Variants in BCAP31 observed in about 807,000 individuals in gnomAD.
BCAP31 encodes the protein B cell receptor associated protein 31.
For synonymous variants in BCAP31, 75 were observed against 80.9 expected (o/e 0.93, Z 0.39); for missense variants, 124 against 193.0 (o/e 0.64, Z 2.12).
chrX:153,704,457 G>A (rs1432582429), intron 4 of BCAP31, among the ~76,000 whole-genome samples: 3 of 112,338 alleles, frequency 2.7e-5, no homozygotes, highest in African/African-American at 9.7e-5. Flanking sequence ...CTGCGAGGCT[G>A]GGCTTGCCTT....
chrX:153,715,832 A>G lies in BCAP31; in HGVS notation c.194-143T>C. ...CCCAGTTCTTCCCACTTCTATGCAC[A>G]TACACCCCTCATGGGATGCTGTTAT... is the stretch of plus-strand genomic sequence containing the variant. On this transcript the variant is annotated intron_variant, in intron 3 of 7. Coordinates refer to ENST00000345046, the MANE Select transcript of BCAP31 (RefSeq NM_001256447.2). The G allele has an allele frequency of 4.2e-6, 3 of 716,263 alleles. No homozygotes were observed. The South Asian group carries it at 7.7e-5, about 18-fold the overall frequency. The allele number at this position is 716,263 out of a possible 1,213,427, so 59.0% of individuals were successfully genotyped here.
At chrX:153,703,273 C>T (rs1255521994) in intron 5 of BCAP31, among the ~76,000 whole-genome samples, 2 of 113,551 alleles carry the variant, frequency 1.8e-5, no homozygotes, top group African/African-American at 3.2e-5. Flanking sequence ...CCAGCGGGGC[C>T]ACCTGCTGCA....
Position 153,703,994 on chromosome X carries a change from T to C in BCAP31, c.442A>G (p.Lys148Glu). Residue 148 changes from lysine to glutamate, a missense_variant, in exon 5 of 8, where the codon AAG becomes GAG. Transcript: ENST00000345046. ...KQAESASEAA[K>E]KYMEENDQLK... ...TGGTCATTCTCCTCCATGTACTTCTTGGCCGCCTCACTAGCACTCTCCGCC... is the reference window on the plus strand; with the variant it reads ...TGGTCATTCTCCTCCATGTACTTCTCGGCCGCCTCACTAGCACTCTCCGCC... 2.5e-6 allele frequency: 3 copies of C among 1,211,743 alleles called. No individual in the cohort carries two copies. The highest frequency in any genetic ancestry group is 3.4e-6 in the Non-Finnish European group (3 of 895,324).
intron 7 of BCAP31, among the ~76,000 whole-genome samples, chrX:153,701,319 G>A (rs1557047301): frequency 8.9e-6 from 1 of 112,459 alleles, no homozygotes; most frequent in Admixed American, 9.3e-5. Flanking sequence ...TTTGACAGGT[G>A]CCCTCGAAGC....
chrX:153,706,094 G>A (rs1323027082), intron 4 of BCAP31, among the ~76,000 whole-genome samples: 20 of 111,457 alleles, frequency 1.8e-4, no homozygotes, highest in African/African-American at 6.5e-4. Flanking sequence ...CTCAGCCCCA[G>A]CCCAGGCCTT....
At chrX:153,702,161 G>A (rs2091522719) in intron 6 of BCAP31, 54 bp from the exon 7 acceptor site, 1 of 1,068,936 alleles carries the variant, frequency 9.4e-7, no homozygotes, top group Non-Finnish European at 1.3e-6. Context: ...AGGAATTAGG[G>A]GGAAAAAACC....
intron 4 of BCAP31, among the ~76,000 whole-genome samples, chrX:153,704,535 A>G: frequency 8.9e-6 from 1 of 112,193 alleles, no homozygotes; most frequent in Non-Finnish European, 1.9e-5. Context: ...CCTCACATCT[A>G]CCTGATGAGG....
chrX:153,711,555 A>C (rs1278258582), intron 4 of BCAP31, among the ~76,000 whole-genome samples: 3 of 112,324 alleles, frequency 2.7e-5, no homozygotes, highest in African/African-American at 6.5e-5. Context: ...TGCTCGCGCC[A>C]TGAGTACCTG....
intron 4 of BCAP31, among the ~76,000 whole-genome samples, chrX:153,713,845 G>A (rs918653257): frequency 9.5e-6 from 1 of 105,710 alleles, no homozygotes; most frequent in Non-Finnish European, 1.9e-5. Flanking sequence ...TCATGATTCA[G>A]AGCTCCCGGC....
At chrX:153,702,490 T>G in intron 6 of BCAP31, 1 of 182,220 alleles carries the variant, frequency 5.5e-6, no homozygotes. Context: ...GCGAGGCCTG[T>G]GGTATTGGGG....
At chrX:153,715,911 A>C (rs1313476047) in intron 3 of BCAP31, among the ~76,000 whole-genome samples, 1 of 106,525 alleles carries the variant, frequency 9.4e-6, no homozygotes, top group Non-Finnish European at 1.9e-5. Context: ...TAATCTCAGC[A>C]CTTTGGGAGG....
At chrX:153,703,827 C>G in intron 5 of BCAP31, 132 bp downstream of exon 5, 2 of 980,157 alleles carry the variant, frequency 2.0e-6, no homozygotes, top group Non-Finnish European at 2.8e-6. Context: ...CTCTGCGCCT[C>G]CACCCAACTC....
In BCAP31 at chrX:153,715,625, G is replaced by C; in HGVS notation, c.258C>G (p.Pro86=). ...VTEKVNLQNN[P]GAMEHFHMKL... ...TCATGTGGAAGTGCTCCATGGCCCCGGGATTGTTCTGGAGGTTCACCTTTT... is the reference window on the plus strand; with the variant it reads ...TCATGTGGAAGTGCTCCATGGCCCCCGGATTGTTCTGGAGGTTCACCTTTT... The change falls in exon 4 of 8, where the codon CCC becomes CCG. Residue 86 remains proline (P), a synonymous_variant. Coordinates refer to ENST00000345046, the MANE Select transcript of BCAP31 (RefSeq NM_001256447.2). 8.3e-7 allele frequency: 1 copy of C among 1,211,334 alleles called. No individual in the cohort carries two copies. Among genetic ancestry groups the C allele is most frequent in the Non-Finnish European group, 1.1e-6 (1 of 895,084 alleles).
chrX:153,718,434 G>C (rs1454431010), intron 3 of BCAP31, among the ~76,000 whole-genome samples: 1 of 110,271 alleles, frequency 9.1e-6, no homozygotes, highest in East Asian at 2.8e-4. Context: ...TGTGCTACCA[G>C]CTCAGGCGTG....
At chrX:153,715,874 C>T (rs1348847509) in intron 3 of BCAP31, among the ~76,000 whole-genome samples, 185 bp from the exon 4 acceptor site, 15 of 110,769 alleles carry the variant, frequency 1.4e-4, no homozygotes, top group African/African-American at 4.9e-4. Context: ...CTCCCACCCT[C>T]AGGCCAGGTG....
chrX:153,715,491 G>C lies in BCAP31; in HGVS notation c.341+51C>G, dbSNP rs782810779. 4 of 1,195,331 alleles carry C rather than the reference G, an allele frequency of 3.3e-6. No homozygotes were observed. The South Asian group carries it at 5.3e-5, about 16-fold the overall frequency. On this transcript the variant is annotated intron_variant, in intron 4 of 7. Transcript: ENST00000345046. ...GAGCCCACTGAGCTCGGTGTCCATG[G>C]CTAGCCCATGGCTCCTTTCACAGCA... is the stretch of plus-strand genomic sequence containing the variant.
intron 1 of BCAP31, chrX:153,723,680 C>T (rs1557051617): frequency 1.7e-6 from 2 of 1,156,347 alleles, no homozygotes; most frequent in Non-Finnish European, 1.2e-6. Context: ...GCTCCCTTCC[C>T]CGCCAGGCAG....
chrX:153,703,179 G>C (rs1417491716), intron 5 of BCAP31, 121 bp from the exon 6 acceptor site: 30 of 1,005,237 alleles, frequency 3.0e-5, no homozygotes, highest in African/African-American at 3.8e-5. Flanking sequence ...CTTCGGAAAT[G>C]TCAACGCGGA....
intron 4 of BCAP31, 85 bp downstream of exon 4, chrX:153,715,457 G>C (rs2091620410): frequency 2.7e-6 from 3 of 1,125,608 alleles, no homozygotes; most frequent in South Asian, 3.8e-5. Flanking sequence ...AAGTCACAGG[G>C]GGGAGACTGA....
Sources: allele counts gnomAD v4.1 joint callset (sites outside exome capture counted in the v4.1 genomes callset), GRCh38; gene constraint gnomAD v4.1.1; transcripts MANE v1.5; gene names NCBI Gene and HGNC (gene_info 2026-07-23, HGNC 2026-07-21).